GABRB1: variants seen among roughly 807,000 people sequenced by gnomAD.
GABRB1 encodes the protein gamma-aminobutyric acid type A receptor subunit beta1.
In GABRB1, 17 loss-of-function variants were observed where a neutral mutation model predicts 51.6. That is an observed-to-expected ratio of 0.33 (90% CI 0.23 to 0.49). GABRB1 has a LOEUF of 0.49. Among genes scored for constraint, GABRB1 ranks in the 20% least tolerant of loss-of-function variants. The pLI is 0.99. For synonymous variants in GABRB1, 247 were observed against 218.9 expected (o/e 1.13, Z -1.14); for missense variants, 410 against 600.6 (o/e 0.68, Z 3.32).
At chr4:47,308,760 T>C (rs917815193) in intron 4 of GABRB1, among the ~76,000 whole-genome samples, 3 of 152,128 alleles carry the variant, frequency 2.0e-5, no homozygotes, top group Admixed American at 6.6e-5. Flanking sequence ...CTGTACTTAC[T>C]GATTCCAAGT....
chr4:47,271,185 C>A (rs192061139), intron 4 of GABRB1, among the ~76,000 whole-genome samples: 1 of 151,888 alleles, frequency 6.6e-6, no homozygotes, highest in South Asian at 2.1e-4. Flanking sequence ...GAGAGCCTAC[C>A]CATTATTAAC....
chr4:47,218,792 A>G (rs1210172815), intron 4 of GABRB1, among the ~76,000 whole-genome samples: 1 of 151,816 alleles, frequency 6.6e-6, no homozygotes, highest in Non-Finnish European at 1.5e-5. Context: ...AAAGTTCATG[A>G]GTGATAAACA....
intron 4 of GABRB1, among the ~76,000 whole-genome samples, chr4:47,244,399 C>T (rs1337673111): frequency 1.3e-5 from 2 of 152,078 alleles, no homozygotes; most frequent in Non-Finnish European, 2.9e-5. Context: ...TGGCCTCATA[C>T]AATGAGTTAG....
intron 4 of GABRB1, among the ~76,000 whole-genome samples, chr4:47,294,483 G>C (rs1434332212): frequency 1.3e-5 from 2 of 152,190 alleles, no homozygotes; most frequent in Non-Finnish European, 2.9e-5. Context: ...AGGGTCCTAC[G>C]CCCACAGTCT....
chr4:47,271,780 G>T (rs1722884135), intron 4 of GABRB1, among the ~76,000 whole-genome samples: 1 of 152,166 alleles, frequency 6.6e-6, no homozygotes, highest in African/African-American at 2.4e-5. Flanking sequence ...AACATATAGA[G>T]AAATTAAAAG....
intron 5 of GABRB1, among the ~76,000 whole-genome samples, 162 bp from the exon 6 acceptor site, chr4:47,403,156 A>G (rs551195855): frequency 6.6e-6 from 1 of 152,284 alleles, no homozygotes; most frequent in East Asian, 1.9e-4. Flanking sequence ...GCTACTAACA[A>G]ACCATCAGAA....
At chr4:47,325,295 C>G (rs1399935760) in intron 5 of GABRB1, among the ~76,000 whole-genome samples, 1 of 152,030 alleles carries the variant, frequency 6.6e-6, no homozygotes, top group African/African-American at 2.4e-5. Context: ...ATTAGCAGGG[C>G]ATGGTGGCAC....
intron 3 of GABRB1, among the ~76,000 whole-genome samples, chr4:47,129,319 A>T (rs888208435): frequency 2.6e-5 from 4 of 152,176 alleles, no homozygotes; most frequent in Non-Finnish European, 5.9e-5. Flanking sequence ...AGCAGACCCC[A>T]AACTGAAATA....
At chr4:47,299,349 G>T (rs1724149290) in intron 4 of GABRB1, among the ~76,000 whole-genome samples, 1 of 152,046 alleles carries the variant, frequency 6.6e-6, no homozygotes, top group Non-Finnish European at 1.5e-5. Flanking sequence ...ATCTGACAAA[G>T]GGCTAATCTC....
At chr4:47,369,309 T>C (rs1035347815) in intron 5 of GABRB1, among the ~76,000 whole-genome samples, 2 of 152,198 alleles carry the variant, frequency 1.3e-5, no homozygotes, top group East Asian at 3.9e-4. Flanking sequence ...CAAATCACAG[T>C]CCCGAGCTTC....
intron 3 of GABRB1, among the ~76,000 whole-genome samples, chr4:47,063,204 G>T (rs886767547): frequency 6.6e-6 from 1 of 152,114 alleles, no homozygotes; most frequent in Non-Finnish European, 1.5e-5. Context: ...GGCCTTGAAC[G>T]TGCCAAGCAG....
intron 3 of GABRB1, among the ~76,000 whole-genome samples, chr4:47,093,015 A>G (rs1333444449): frequency 6.6e-6 from 1 of 152,204 alleles, no homozygotes; most frequent in African/African-American, 2.4e-5. Context: ...TAACATACTT[A>G]TCATTGTCAT....
intron 5 of GABRB1, among the ~76,000 whole-genome samples, chr4:47,348,976 T>G (rs1251248225): frequency 6.6e-6 from 1 of 152,086 alleles, no homozygotes; most frequent in African/African-American, 2.4e-5. Context: ...AAATAAAGAA[T>G]TGCTCACTTG....
chr4:47,367,833 A>T (rs1468345273), intron 5 of GABRB1, among the ~76,000 whole-genome samples: 1 of 152,192 alleles, frequency 6.6e-6, no homozygotes, highest in Non-Finnish European at 1.5e-5. Context: ...CTCCAAAAGG[A>T]TGTACAGAAA....
intron 5 of GABRB1, among the ~76,000 whole-genome samples, chr4:47,329,657 A>G (rs570308326): frequency 4.2e-4 from 63 of 148,436 alleles, no homozygotes; most frequent in African/African-American, 1.5e-3. Flanking sequence ...AAATATTGGT[A>G]TATGATATAT....
At chr4:47,019,625 CTCTTTCTT>C (rs1157555893) in intron 1 of GABRB1, among the ~76,000 whole-genome samples, 2,321 of 91,062 alleles carry the variant, frequency 0.025, 37 homozygotes, top group African/African-American at 0.052. Context: ...TTCTTTCTCT[CTCTTTCTT>C]TCTTTCTTTC....
At chr4:47,209,552 GT>G (rs1720268452) in intron 4 of GABRB1, among the ~76,000 whole-genome samples, 2 of 151,920 alleles carry the variant, frequency 1.3e-5, no homozygotes, top group South Asian at 4.2e-4. Flanking sequence ...CTCTCTTGGT[GT>G]TCATTGCATT....
At chr4:47,027,108 G>A (rs1725124951), upstream of GABRB1, among the ~76,000 whole-genome samples, 1 of 151,446 alleles carries the variant, frequency 6.6e-6, no homozygotes, top group Non-Finnish European at 1.5e-5. Flanking sequence ...TAATGCAATG[G>A]TAACATTTTA....
intron 4 of GABRB1, among the ~76,000 whole-genome samples, chr4:47,227,958 A>G (rs532246720): frequency 6.6e-6 from 1 of 152,240 alleles, no homozygotes; most frequent in South Asian, 2.1e-4. Context: ...ATTAGCACCC[A>G]TCTAATAGCC....
Sources: gnomAD v4.1 joint callset for allele counts (sites outside exome capture counted in the v4.1 genomes callset) on GRCh38, gnomAD v4.1.1 for gene constraint, MANE v1.5 for transcripts, NCBI Gene and HGNC (gene_info 2026-07-23, HGNC 2026-07-21) for gene names.